The following CSMD1 variants were observed in gnomAD, a reference collection of about 807,000 sequenced individuals.
CSMD1 encodes the protein CUB and sushi domain-containing protein 1.
Under a neutral mutation model 417.5 loss-of-function variants are expected in CSMD1, and 213 were observed. The ratio of observed to expected loss-of-function variants is 0.51; its 90% confidence interval spans 0.46 to 0.57. CSMD1 has a LOEUF of 0.57. Among genes scored for constraint, CSMD1 ranks in the 20% least tolerant of loss-of-function variants. The probability of loss-of-function intolerance (pLI) is 0.00; values close to 1 mark genes in which losing one functional copy is unlikely to be tolerated. For synonymous variants in CSMD1, 2,862 were observed against 1,736.8 expected, an observed-to-expected ratio of 1.65 and a Z score of -16.11; for missense variants, 6,923 against 4,529.7, an observed-to-expected ratio of 1.53 and a Z score of -15.17.
At chr8:3,276,372 C>G (rs915220236) in intron 26 of CSMD1, among the ~76,000 whole-genome samples, 3 of 152,206 alleles carry the variant, frequency 2.0e-5, no homozygotes, top group Non-Finnish European at 2.9e-5. Context: ...GTCGTTCACG[C>G]TGGGAGCTGT....
chr8:4,066,367 T>A (rs1799248502), intron 3 of CSMD1, among the ~76,000 whole-genome samples: 1 of 152,178 alleles, frequency 6.6e-6, no homozygotes, highest in Admixed American at 6.5e-5. Context: ...TATTTCTAAG[T>A]CCCACTCAGC....
intron 7 of CSMD1, among the ~76,000 whole-genome samples, chr8:3,675,892 G>A (rs1382350812): frequency 6.6e-6 from 1 of 152,132 alleles, no homozygotes; most frequent in African/African-American, 2.4e-5. Context: ...ATTCTGTCTT[G>A]CTGAAGTTCT....
At chr8:3,458,195 C>G (rs1550894) in intron 12 of CSMD1, among the ~76,000 whole-genome samples, 117,882 of 152,068 alleles carry the variant, frequency 0.78, 46,107 homozygotes, top group African/African-American at 0.89. Context: ...AGGGAGAGTG[C>G]AATGTAGCTG....
In CSMD1 at chr8:4,805,481, G is replaced by A. The variant is rs142706727; in HGVS notation, c.86-167923C>T. Among the ~76,000 whole-genome samples, 1,145 of 152,180 alleles carry A rather than the reference G, an allele frequency of 7.5e-3. 8 individuals carry two copies. The highest frequency in any genetic ancestry group is 0.026 in the African/African-American group (1,063 of 41,514). ...TTGAGAAGCCTGCGTCGAGAAGTCA[G>A]CGAGTGAAACGCCACCACTCTGCAT... On this transcript the variant is annotated intron_variant, in intron 1 of 69. Transcript: ENST00000635120.
chr8:3,559,354 A>T (rs1347307246), intron 10 of CSMD1, among the ~76,000 whole-genome samples: 1 of 152,218 alleles, frequency 6.6e-6, no homozygotes, highest in Non-Finnish European at 1.5e-5. Flanking sequence ...ACAGAGGTTT[A>T]AAGGAGTAAG....
Position 4,245,732 on chromosome 8 carries a change from T to G in CSMD1, c.415+174221A>C, listed in dbSNP as rs1408002837. Among the ~76,000 whole-genome samples, 2 of 152,156 alleles carry G rather than the reference T, an allele frequency of 1.3e-5. 1 individual carries two copies. The highest frequency in any genetic ancestry group is 2.9e-5 in the Non-Finnish European group (2 of 68,012). Reference sequence around the variant, plus strand: ...TTTCAAGTGCTCTAAGATATACACTTCTTGGTGACTAAGTCAGGCCGTATC... The same window carrying G: ...TTTCAAGTGCTCTAAGATATACACTGCTTGGTGACTAAGTCAGGCCGTATC... On this transcript the variant is annotated intron_variant, in intron 3 of 69. Transcript: ENST00000635120.
intron 3 of CSMD1, among the ~76,000 whole-genome samples, chr8:4,098,499 T>C (rs1801140990): frequency 6.6e-6 from 1 of 152,186 alleles, no homozygotes; most frequent in African/African-American, 2.4e-5. Context: ...GTTTTAGTTT[T>C]AGGCCAGTTA....
Position 3,696,794 on chromosome 8 carries a change from T to C in CSMD1, c.1009+11620A>G, listed in dbSNP as rs371027661. On this transcript the variant is annotated intron_variant, in intron 7 of 69. Transcript: ENST00000635120. ...AAGGTCAACAGGAGTTTCTAAAATA[T>C]ATTTCTTCTACTCTTTATCATTTGA... 7.2e-5 allele frequency among the ~76,000 whole-genome samples: 11 copies of C among 152,248 alleles called. No homozygotes were observed. In the East Asian group the frequency reaches 1.7e-3, roughly 24 times the overall value.
intron 3 of CSMD1, among the ~76,000 whole-genome samples, chr8:4,301,426 T>C (rs962259821): frequency 2.0e-5 from 3 of 152,190 alleles, no homozygotes; most frequent in East Asian, 1.9e-4. Context: ...GGGAAAGATA[T>C]GTTTTATCTC....
intron 25 of CSMD1, among the ~76,000 whole-genome samples, chr8:3,286,951 T>C (rs1803206615): frequency 6.6e-6 from 1 of 152,150 alleles, no homozygotes; most frequent in Non-Finnish European, 1.5e-5. Context: ...GTTTTTATGG[T>C]TTTAGTTCTA....
chr8:3,712,509 G>T (rs1278313534), intron 6 of CSMD1, among the ~76,000 whole-genome samples: 4 of 152,084 alleles, frequency 2.6e-5, no homozygotes, highest in Non-Finnish European at 5.9e-5. Flanking sequence ...GCAAATCCCT[G>T]CAATAGCCTC....
intron 1 of CSMD1, among the ~76,000 whole-genome samples, chr8:4,796,683 G>A (rs893250311): frequency 1.3e-5 from 2 of 152,234 alleles, no homozygotes; most frequent in African/African-American, 4.8e-5. Flanking sequence ...TCAACGTGGT[G>A]GACTCATCCA....
chr8:4,762,546 A>G lies in CSMD1; in HGVS notation c.86-124988T>C, dbSNP rs1032968558. Among the ~76,000 whole-genome samples, 3 of 152,150 alleles carry G rather than the reference A, an allele frequency of 2.0e-5. No individual in the cohort carries two copies. In the East Asian group the frequency reaches 5.8e-4, roughly 29 times the overall value. ...CTAAAAAACATCAAAAAAGTAACCTACATTTCAAAAATTCATAGTCCCATC... is the reference window on the plus strand; with the variant it reads ...CTAAAAAACATCAAAAAAGTAACCTGCATTTCAAAAATTCATAGTCCCATC... On this transcript the variant is annotated intron_variant, in intron 1 of 69. Coordinates refer to ENST00000635120, the MANE Select transcript of CSMD1 (RefSeq NM_033225.6).
At chr8:2,959,778 C>T (rs1253041315) in intron 62 of CSMD1, among the ~76,000 whole-genome samples, 1 of 152,144 alleles carries the variant, frequency 6.6e-6, no homozygotes, top group African/African-American at 2.4e-5. Flanking sequence ...ACAAAAATCT[C>T]ATTGGTTACT....
chr8:3,304,896 C>T (rs1435003388), intron 25 of CSMD1, among the ~76,000 whole-genome samples: 1 of 152,002 alleles, frequency 6.6e-6, no homozygotes, highest in Non-Finnish European at 1.5e-5. Context: ...TGAAATTCTT[C>T]TAAAAGAAGA....
chr8:3,379,433 T>C (rs1271540248), intron 18 of CSMD1, among the ~76,000 whole-genome samples: 3 of 152,172 alleles, frequency 2.0e-5, no homozygotes, highest in Non-Finnish European at 4.4e-5. Flanking sequence ...AGAGCCCATA[T>C]AGCCAAATGA....
At chr8:3,535,531 C>T (rs971599017) in intron 10 of CSMD1, among the ~76,000 whole-genome samples, 2 of 151,994 alleles carry the variant, frequency 1.3e-5, no homozygotes, top group Non-Finnish European at 1.5e-5. Context: ...TGTAAGACCA[C>T]GGAGACTTGG....
At chr8:4,610,028 G>GA (rs34593512) in intron 2 of CSMD1, among the ~76,000 whole-genome samples, 9,092 of 141,824 alleles carry the variant, frequency 0.064, 320 homozygotes, top group Middle Eastern at 0.11. Flanking sequence ...CAGGGTTCAG[G>GA]AAAAAAAAAA....
intron 5 of CSMD1, among the ~76,000 whole-genome samples, chr8:3,995,161 T>G (rs1319373441): frequency 6.6e-6 from 1 of 152,208 alleles, no homozygotes; most frequent in Non-Finnish European, 1.5e-5. Context: ...TATTATGCAT[T>G]TGTATAGGCC....
Sources: gnomAD v4.1 joint callset for allele counts (sites outside exome capture counted in the v4.1 genomes callset) on GRCh38, gnomAD v4.1.1 for gene constraint, MANE v1.5 for transcripts, NCBI Gene and HGNC (gene_info 2026-07-23, HGNC 2026-07-21) for gene names.